The following RPS7 variants were observed in gnomAD, a reference collection of about 807,000 sequenced individuals.
RPS7 encodes ribosomal protein S7, also known as small ribosomal subunit protein eS7.
RPS7 carries 1 observed loss-of-function variant against 22.1 expected under a neutral mutation model. The observed-to-expected ratio is 0.05, with a 90% CI of 0.02 to 0.21. The LOEUF is 0.21. Ranked by LOEUF, RPS7 falls within the 10% of genes least tolerant of loss-of-function variation. The pLI is 1.00. For missense variants in RPS7, 137 were observed against 246.4 expected (o/e 0.56, Z 2.97); for synonymous variants, 80 against 92.0 (o/e 0.87, Z 0.74).
At chr2:3,578,314 GTC>G (rs1299390714) in intron 5 of RPS7, 1 of 155,080 alleles carries the variant, frequency 6.4e-6, no homozygotes, top group Non-Finnish European at 1.4e-5. Flanking sequence ...TATTTTGTTA[GTC>G]TCTGATTAGT....
At chr2:3,575,521 G>A (rs1167095856) in intron 1 of RPS7, 71 bp from the exon 2 acceptor site, 5 of 1,047,314 alleles carry the variant, frequency 4.8e-6, no homozygotes, top group Non-Finnish European at 7.4e-6. Context: ...CTGGCCGGGG[G>A]GTGCGGGCGG....
chr2:3,575,394 T>C, intron 1 of RPS7, 44 bp downstream of exon 1: 1 of 575,302 alleles, frequency 1.7e-6, no homozygotes, highest in East Asian at 3.0e-5. Context: ...TCTTCTTGGG[T>C]TGAGGAAAAC....
In RPS7 at chr2:3,579,707, A is replaced by T. The variant is rs928476714; in HGVS notation, c.357-403A>T. ...CGTGCTTTAGAAAGATTATCTTGAC[A>T]TTGGAAGGGGGTGGTTTTGGAGATG... On this transcript the variant is annotated intron_variant, in intron 5 of 6. Coordinates refer to ENST00000645674, the MANE Select transcript of RPS7 (RefSeq NM_001011.4). 14 of 280,662 alleles carry T rather than the reference A, an allele frequency of 5.0e-5. No homozygotes were observed. The South Asian group carries it at 5.6e-4, about 11-fold the overall frequency. 17.4% of individuals were successfully genotyped at this position (280,662 alleles called of 1,614,324 possible).
Position 3,576,472 on chromosome 2 carries a change from T to C in RPS7, c.148-15T>C, listed in dbSNP as rs769871304. 6.2e-7 allele frequency: 1 copy of C among 1,612,778 alleles called. No homozygotes were observed. Among genetic ancestry groups the C allele is most frequent in the East Asian group, 2.2e-5 (1 of 44,880 alleles). ...TGAAGCAGTTAACACAGTGGATTTT[T>C]GTTTTTTTCTTTAGGAAATTGAAGT... On this transcript the variant is annotated splice_polypyrimidine_tract_variant and intron_variant, in intron 3 of 6. Transcript: ENST00000645674.
chr2:3,576,497 T>G lies in RPS7; in HGVS notation c.158T>G (p.Val53Gly), dbSNP rs760244296. 3.7e-6 allele frequency: 6 copies of G among 1,613,700 alleles called. No individual in the cohort carries two copies. The highest frequency in any genetic ancestry group is 4.2e-6 in the Non-Finnish European group (5 of 1,179,716). ...TGTTTTTTTCTTTAGGAAATTGAAG[T>G]TGGTGGTGGTCGGAAAGCTATCATA... ...LNITAAKEIE[V>G]GGGRKAIIIF... The change falls in exon 4 of 7, where the codon GTT becomes GGT. Residue 53 changes from valine to glycine, a missense_variant. Around this residue, in one of 2 missense-constraint regions of RPS7, gnomAD observed 63 missense variants for 75.0 expected, o/e 0.84. Transcript: ENST00000645674.
Position 3,575,871 on chromosome 2 carries a change from A to T in RPS7, c.130A>T (p.Asn44Tyr). The T allele has an allele frequency of 1.2e-6, 2 of 1,610,224 alleles. No homozygotes were observed. The highest frequency in any genetic ancestry group is 8.5e-7 in the Non-Finnish European group (1 of 1,178,718). Residue 44 changes from asparagine (N) to tyrosine (Y), a missense_variant, in exon 3 of 7, where the codon AAT becomes TAT. Coordinates refer to ENST00000645674, the MANE Select transcript of RPS7 (RefSeq NM_001011.4). ...SDLKAQLREL[N>Y]ITAAKEIEVG... ...CCTCAAGGCTCAGCTCAGGGAGCTG[A>T]ATATTACGGCAGCTAAGGTAAGCTG...
At chr2:3,580,330 C>T (rs1293543846) in intron 6 of RPS7, 70 bp downstream of exon 6, 2 of 1,302,448 alleles carry the variant, frequency 1.5e-6, no homozygotes, top group Non-Finnish European at 2.2e-6. Context: ...TAACCAGTCT[C>T]CATGCGCCAC....
In RPS7 at chr2:3,580,105, T is replaced by A; in HGVS notation, c.357-5T>A. On this transcript the variant is annotated splice_region_variant and splice_polypyrimidine_tract_variant and intron_variant, in intron 5 of 6. Transcript: ENST00000645674. ...GGTTGCTTACCTTTTAAACTATTCT[T>A]TTAGCCGTACTCTGACAGCTGTGCA... 6.2e-7 allele frequency: 1 copy of A among 1,613,758 alleles called. No homozygotes were observed. The highest frequency in any genetic ancestry group is 8.5e-7 in the Non-Finnish European group (1 of 1,179,814).
Position 3,579,683 on chromosome 2 carries a change from G to A in RPS7, c.357-427G>A, listed in dbSNP as rs1206586918. The stretch of plus-strand genomic sequence containing the variant: ...CTAAGTAAATGATGTGATCATATCC[G>A]TGCTTTAGAAAGATTATCTTGACAT... On this transcript the variant is annotated intron_variant, in intron 5 of 6. Coordinates refer to ENST00000645674, the MANE Select transcript of RPS7 (RefSeq NM_001011.4). 6.1e-5 allele frequency: 16 copies of A among 262,398 alleles called. 1 individual carries two copies. Among genetic ancestry groups the A allele is most frequent in the African/African-American group, 2.4e-4 (11 of 44,926 alleles). 16.3% of individuals were successfully genotyped at this position (262,398 alleles called of 1,614,324 possible).
At chr2:3,580,660 C>G (rs897162807) in intron 6 of RPS7, 145 bp from the exon 7 acceptor site, 18 of 682,760 alleles carry the variant, frequency 2.6e-5, no homozygotes, top group Middle Eastern at 7.7e-4. Flanking sequence ...AGCTTGTCCC[C>G]GGTCGTGAAG....
Position 3,577,598 on chromosome 2 carries a change from C to A in RPS7, c.292-112C>A, listed in dbSNP as rs1313750677. On this transcript the variant is annotated intron_variant, in intron 4 of 6. Transcript: ENST00000645674. The stretch of plus-strand genomic sequence containing the variant: ...GTCTAAGTTGTTTAGCCTTCTCGAA[C>A]TTTGAACTTACCCTGCCATTCTTCT... 6.3e-6 allele frequency: 5 copies of A among 799,092 alleles called. No homozygotes were observed. In the Admixed American group the frequency reaches 8.2e-5, roughly 13 times the overall value. 49.5% of individuals were successfully genotyped at this position (799,092 alleles called of 1,614,324 possible). A position where few individuals can be genotyped will look rare whatever the true frequency, so the allele number is the denominator to read the frequency against.
chr2:3,578,651 A>G (rs1318733564), intron 5 of RPS7: 1 of 152,186 alleles, frequency 6.6e-6, no homozygotes, highest in African/African-American at 2.4e-5. Flanking sequence ...CTTGAATTCT[A>G]TGGCTTAGTA....
At chr2:3,579,471 G>A in intron 5 of RPS7, 1 of 161,262 alleles carries the variant, frequency 6.2e-6, no homozygotes, top group Non-Finnish European at 1.4e-5. Context: ...ATGTAAGGCA[G>A]CTCCCTAAAT....
At chr2:3,580,020 C>G (rs372022165) in intron 5 of RPS7, 90 bp from the exon 6 acceptor site, 6 of 1,202,816 alleles carry the variant, frequency 5.0e-6, no homozygotes, top group East Asian at 4.7e-5. Flanking sequence ...CTGGGATTTG[C>G]ATTTTCATTT....
chr2:3,576,095 A>C, intron 3 of RPS7: 1 of 620,730 alleles, frequency 1.6e-6, no homozygotes. Flanking sequence ...AGCTGTCCAC[A>C]TGCGGGCGGT....
intron 1 of RPS7, 61 bp downstream of exon 1, chr2:3,575,411 T>A: frequency 1.7e-6 from 1 of 591,112 alleles, no homozygotes; most frequent in East Asian, 2.9e-5. Flanking sequence ...AAACGCCTTT[T>A]GGAGTCAGGC....
intron 4 of RPS7, chr2:3,577,033 C>T: frequency 3.5e-6 from 1 of 283,120 alleles, no homozygotes; most frequent in South Asian, 3.3e-5. Flanking sequence ...CATAGATGAT[C>T]AAACTAAGAA....
intron 3 of RPS7, chr2:3,576,179 A>G: frequency 1.7e-6 from 1 of 591,888 alleles, no homozygotes; most frequent in East Asian, 2.8e-5. Context: ...TAGATACGGC[A>G]AAGAGCTGTG....
At chr2:3,576,332 C>A (rs564734729) in intron 3 of RPS7, 155 bp from the exon 4 acceptor site, 2 of 754,660 alleles carry the variant, frequency 2.7e-6, no homozygotes, top group Non-Finnish European at 4.8e-6. Flanking sequence ...GAGATGAGAA[C>A]ATTTCCGAAG....
Sources: gnomAD v4.1 joint callset for allele counts on GRCh38, gnomAD v4.1.1 for gene constraint, gnomAD v4.1.1 regional missense constraint, MANE v1.5 for transcripts, NCBI Gene and HGNC (gene_info 2026-07-23, HGNC 2026-07-21) for gene names.